The following ERC1 variants were observed in gnomAD, a reference collection of about 807,000 sequenced individuals.
The protein encoded by ERC1 is ELKS/RAB6-interacting/CAST family member 1.
A neutral mutation model predicts 132.0 loss-of-function variants in ERC1; 56 were observed. The observed-to-expected ratio is 0.42, with a 90% CI of 0.34 to 0.53. The LOEUF is 0.53. Among genes scored for constraint, ERC1 ranks in the 20% least tolerant of loss-of-function variants. The pLI, the probability that ERC1 is intolerant of heterozygous loss-of-function variation, is 0.03. For synonymous variants in ERC1, 478 were observed against 476.1 expected (o/e 1.00, Z -0.05); for missense variants, 1,202 against 1,349.9 (o/e 0.89, Z 1.72).
chr12:1,490,436 C>T lies in ERC1; in HGVS notation c.*206C>T. ...CTTTGGATGTGGTCTCTACACTAACCTTCTTGATGTCCAGGGTAGATAAAG... is the reference window on the plus strand; with the variant it reads ...CTTTGGATGTGGTCTCTACACTAACTTTCTTGATGTCCAGGGTAGATAAAG... On this transcript the variant is annotated 3_prime_UTR_variant, in exon 19 of 19. Transcript: ENST00000360905. The T allele has an allele frequency of 7.1e-6, 4 of 567,062 alleles. No individual in the cohort carries two copies. The highest frequency in any genetic ancestry group is 1.3e-5 in the Non-Finnish European group (4 of 319,536). 35.1% of individuals were successfully genotyped at this position (567,062 alleles called of 1,614,324 possible).
rs761284661 is a variant in ERC1, at chr12:1,190,069, G to A, written c.2351+17G>A. The A allele has an allele frequency of 1.0e-5, 16 of 1,600,274 alleles. No homozygotes were observed. The highest frequency in any genetic ancestry group is 1.4e-5 in the Non-Finnish European group (16 of 1,167,994). ...GTTGGAAAGGTAAGAAAGTGAAGCT[G>A]ATTGGGGCTTATGAGGTTAAAGTAT... is the stretch of plus-strand genomic sequence containing the variant. On this transcript the variant is annotated intron_variant, in intron 12 of 18. Coordinates refer to ENST00000360905, the MANE Select transcript of ERC1 (RefSeq NM_178040.4).
In ERC1 at chr12:1,232,936, G is replaced by A. The variant is rs1225459814; in HGVS notation, c.2352-3833G>A. ...AGAAAAATAATTAGAATTAGCAAGA[G>A]CGTTTAACAGGTTTTCTAGATAGAA... is the stretch of plus-strand genomic sequence containing the variant. On this transcript the variant is annotated intron_variant, in intron 12 of 18. Transcript: ENST00000360905. Among the ~76,000 whole-genome samples, 10 of 152,118 alleles carry A rather than the reference G, an allele frequency of 6.6e-5. 1 individual carries two copies. Among genetic ancestry groups the A allele is most frequent in the Admixed American group, 2.6e-4 (4 of 15,282 alleles).
chr12:1,302,994 T>C (rs1035033798), intron 15 of ERC1, among the ~76,000 whole-genome samples: 2 of 152,134 alleles, frequency 1.3e-5, no homozygotes, highest in African/African-American at 4.8e-5. Flanking sequence ...CACTATGCTA[T>C]AGTCTGTTAA....
At chr12:1,180,099 A>G (rs1171737045) in intron 8 of ERC1, among the ~76,000 whole-genome samples, 2 of 152,114 alleles carry the variant, frequency 1.3e-5, no homozygotes, top group Non-Finnish European at 2.9e-5. Context: ...TAGCTGCTCT[A>G]TCCTCTGTCC....
intron 16 of ERC1, among the ~76,000 whole-genome samples, chr12:1,387,925 T>A (rs1353271588): frequency 6.6e-6 from 1 of 152,224 alleles, no homozygotes; most frequent in Non-Finnish European, 1.5e-5. Context: ...TCCCCTTTAT[T>A]TGAAGGAGAA....
chr12:1,120,385 T>C (rs942310476), intron 7 of ERC1, among the ~76,000 whole-genome samples: 1 of 152,236 alleles, frequency 6.6e-6, no homozygotes, highest in Non-Finnish European at 1.5e-5. Context: ...ATTGTTTTAT[T>C]TGCTCTTCAT....
chr12:1,352,448 G>C (rs909621503), intron 15 of ERC1, among the ~76,000 whole-genome samples: 2 of 152,174 alleles, frequency 1.3e-5, no homozygotes, highest in Admixed American at 1.3e-4. Flanking sequence ...ATTTAGGTTG[G>C]AGCCAAACTG....
chr12:1,429,387 G>A (rs1355296227), intron 17 of ERC1, among the ~76,000 whole-genome samples: 2 of 152,152 alleles, frequency 1.3e-5, no homozygotes, highest in African/African-American at 4.8e-5. Context: ...ATTGAACCAG[G>A]ATGTTTATCT....
At chr12:1,406,799 G>T (rs185373290) in intron 16 of ERC1, among the ~76,000 whole-genome samples, 2 of 152,290 alleles carry the variant, frequency 1.3e-5, no homozygotes, top group Admixed American at 1.3e-4. Context: ...CTTGAGCCCA[G>T]GAGTCTGAGG....
chr12:1,428,590 C>CT (rs747936589), intron 17 of ERC1, among the ~76,000 whole-genome samples: 1 of 152,100 alleles, frequency 6.6e-6, no homozygotes, highest in Non-Finnish European at 1.5e-5. Flanking sequence ...AGGCCTAACA[C>CT]TTGTGTATTC....
chr12:1,072,005 G>A (rs1940461369), intron 2 of ERC1, among the ~76,000 whole-genome samples: 1 of 151,838 alleles, frequency 6.6e-6, no homozygotes, highest in Non-Finnish European at 1.5e-5. Flanking sequence ...GGAGGCTGAG[G>A]TATGAGAATC....
At chr12:996,754 A>T (rs1375520992) in intron 1 of ERC1, among the ~76,000 whole-genome samples, 10 of 152,236 alleles carry the variant, frequency 6.6e-5, no homozygotes, top group African/African-American at 2.2e-4. Context: ...ATACACAGTT[A>T]AAAGTCTCTC....
chr12:1,039,210 G>A (rs12811563), intron 2 of ERC1, among the ~76,000 whole-genome samples: 64,500 of 151,288 alleles, frequency 0.43, 16,730 homozygotes, highest in East Asian at 0.79. Context: ...GGTGGTGGGC[G>A]CCTGTAGTCC....
intron 18 of ERC1, among the ~76,000 whole-genome samples, chr12:1,449,121 C>A (rs938905940): frequency 1.3e-5 from 2 of 152,146 alleles, no homozygotes; most frequent in African/African-American, 4.8e-5. Flanking sequence ...CCAATTTCTC[C>A]CATTTGGAGT....
intron 2 of ERC1, among the ~76,000 whole-genome samples, chr12:1,069,128 A>G (rs189881935): frequency 8.0e-4 from 122 of 152,296 alleles, no homozygotes; most frequent in Non-Finnish European, 2.5e-4. Context: ...CTGTACCTCT[A>G]TTCCTTATTG....
chr12:1,228,069 G>A (rs891357599), intron 12 of ERC1, among the ~76,000 whole-genome samples: 2 of 152,154 alleles, frequency 1.3e-5, no homozygotes, highest in African/African-American at 2.4e-5. Context: ...TTTGAAATCC[G>A]AAAGTGTGAT....
chr12:1,196,655 A>T (rs559749445), intron 12 of ERC1, among the ~76,000 whole-genome samples: 61 of 151,718 alleles, frequency 4.0e-4, no homozygotes, highest in African/African-American at 1.4e-3. Flanking sequence ...CACCATGCCC[A>T]GCTAACTGCT....
intron 3 of ERC1, among the ~76,000 whole-genome samples, chr12:1,092,407 C>G (rs568588851): frequency 4.6e-5 from 7 of 152,180 alleles, no homozygotes; most frequent in Non-Finnish European, 1.0e-4. Context: ...AAGCAGCAGT[C>G]CTGGTATATT....
At chr12:1,263,745 G>C (rs963998626) in intron 14 of ERC1, among the ~76,000 whole-genome samples, 1 of 151,646 alleles carries the variant, frequency 6.6e-6, no homozygotes, top group African/African-American at 2.4e-5. Context: ...GCTGGAGTGC[G>C]ATGGTGTGAT....
Sources: allele counts gnomAD v4.1 joint callset (sites outside exome capture counted in the v4.1 genomes callset), GRCh38; gene constraint gnomAD v4.1.1; transcripts MANE v1.5; gene names NCBI Gene and HGNC (gene_info 2026-07-23, HGNC 2026-07-21).